DGCR8: variants seen among roughly 807,000 people sequenced by gnomAD.
DGCR8 encodes the protein microprocessor complex subunit DGCR8.
In DGCR8, 14 loss-of-function variants were observed where a neutral mutation model predicts 78.5. The observed-to-expected ratio is 0.18, with a 90% CI of 0.12 to 0.28. DGCR8 has a LOEUF of 0.28. Among genes scored for constraint, DGCR8 ranks in the 10% least tolerant of loss-of-function variants. The pLI is 1.00. For missense variants in DGCR8, 702 were observed against 1,022.5 expected, an observed-to-expected ratio of 0.69 and a Z score of 4.28; for synonymous variants, 399 against 402.4, an observed-to-expected ratio of 0.99 and a Z score of 0.10.
At chr22:20,101,560 G>A (rs112297714) in intron 9 of DGCR8, 222,795 of 980,934 alleles carry the variant, frequency 0.23, 26,580 homozygotes, top group South Asian at 0.29. Context: ...CCTGGGCGAC[G>A]GAGCGAGAAT....
Position 20,111,152 on chromosome 22 carries a change from T to G in DGCR8, c.*1044T>G, listed in dbSNP as rs953449390. On this transcript the variant is annotated 3_prime_UTR_variant, in exon 14 of 14. Coordinates refer to ENST00000351989, the MANE Select transcript of DGCR8 (RefSeq NM_022720.7). Reference sequence around the variant, plus strand: ...GGCAGCTGCCTGGTGCCCAGCTTGCTTCTCGACTGGTGGCCCCTATGGGTG... The same window carrying G: ...GGCAGCTGCCTGGTGCCCAGCTTGCGTCTCGACTGGTGGCCCCTATGGGTG... 5 of 398,692 alleles carry G rather than the reference T, an allele frequency of 1.3e-5. No individual in the cohort carries two copies. Among genetic ancestry groups the G allele is most frequent in the Non-Finnish European group, 2.2e-5 (5 of 226,092 alleles). The allele number at this position is 398,692 out of a possible 1,614,324, so 24.7% of individuals were successfully genotyped here. A position where few individuals can be genotyped will look rare whatever the true frequency, so the allele number is the denominator to read the frequency against.
chr22:20,099,348 C>T (rs1211720066), intron 9 of DGCR8, among the ~76,000 whole-genome samples: 1 of 152,218 alleles, frequency 6.6e-6, no homozygotes, highest in Non-Finnish European at 1.5e-5. Flanking sequence ...GAAACAGTTG[C>T]CACTGGTTCC....
chr22:20,091,607 A>G lies in DGCR8; in HGVS notation c.1479A>G (p.Ser493=), dbSNP rs775616320. ...LPANQKLITL[S]VQDAPTKKEF... is the part of the protein sequence containing the mutation. ...CCAATCAGAAGCTCATTACTTTATC[A>G]GTGCAAGATGCACCCACAAAGAAAG... Residue 493 remains serine, a synonymous_variant, in exon 6 of 14, where the codon TCA becomes TCG. Transcript: ENST00000351989. The G allele has an allele frequency of 1.9e-6, 3 of 1,614,222 alleles. No homozygotes were observed. In the South Asian group the frequency reaches 3.3e-5, roughly 18 times the overall value.
intron 9 of DGCR8, chr22:20,102,076 TTTTC>T (rs1568959881): frequency 2.0e-6 from 2 of 979,998 alleles, no homozygotes; most frequent in Non-Finnish European, 2.4e-6. Flanking sequence ...TGACCAAGTG[TTTTC>T]TTTTTTTTTT....
chr22:20,082,208 C>G (rs1414770776), intron 1 of DGCR8, among the ~76,000 whole-genome samples: 1 of 151,964 alleles, frequency 6.6e-6, no homozygotes, highest in African/African-American at 2.4e-5. Context: ...AGGCGTCCAC[C>G]ACCACCACGC....
At chr22:20,102,823 A>C (rs530644736) in intron 9 of DGCR8, among the ~76,000 whole-genome samples, 1 of 152,304 alleles carries the variant, frequency 6.6e-6, no homozygotes, top group East Asian at 1.9e-4. Flanking sequence ...CTTTAGAAAC[A>C]ATATGTCAGT....
intron 8 of DGCR8, 114 bp downstream of exon 8, chr22:20,093,021 T>G (rs2049584669): frequency 1.5e-6 from 1 of 670,668 alleles, no homozygotes. Context: ...GTGGGGCATG[T>G]TTATTTTATT....
At position 20,086,506 on chromosome 22, in the gene DGCR8, G is replaced by A. The variant is rs1232992115; in HGVS notation, c.543G>A (p.Lys181=). Residue 181 remains lysine, a synonymous_variant, in exon 2 of 14, where the codon AAG becomes AAA. Transcript: ENST00000351989. The surrounding 1 kb of genome is among the most constrained non-coding windows in gnomAD (Gnocchi z 6.4). ...GCATAGGGGGTGAGAGTGCTGATAA[G>A]AAGGATGAGGAGAATGAGCTGGATC... ...GVGIGGESAD[K]KDEENELDQE... 6.2e-7 allele frequency: 1 copy of A among 1,613,940 alleles called. No homozygotes were observed. The highest frequency in any genetic ancestry group is 8.5e-7 in the Non-Finnish European group (1 of 1,180,030).
chr22:20,085,660 T>A lies in DGCR8; in HGVS notation c.-277-27T>A. 8 of 1,287,326 alleles carry A rather than the reference T, an allele frequency of 6.2e-6. No homozygotes were observed. The highest frequency in any genetic ancestry group is 7.8e-6 in the Non-Finnish European group (8 of 1,021,492). 79.7% of individuals were successfully genotyped at this position (1,287,326 alleles called of 1,614,324 possible). ...GAATTGGAAGGTTTCTGTCATTTTG[T>A]GACGATATTTTTAAATTTCTTTGCA... is the stretch of plus-strand genomic sequence containing the variant. On this transcript the variant is annotated intron_variant, in intron 1 of 13. Transcript: ENST00000351989. This position sits in a 1 kb window ranked among gnomAD's most constrained non-coding sequence, Gnocchi z 6.2.
At position 20,086,985 on chromosome 22, in the gene DGCR8, G is replaced by A. The variant is rs1023414149; in HGVS notation, c.721-177G>A. 2.4e-6 allele frequency: 2 copies of A among 846,748 alleles called. No homozygotes were observed. Among genetic ancestry groups the A allele is most frequent in the African/African-American group, 1.7e-5 (1 of 58,808 alleles). 52.5% of individuals were successfully genotyped at this position (846,748 alleles called of 1,614,324 possible). On this transcript the variant is annotated intron_variant, in intron 2 of 13. Transcript: ENST00000351989. This position sits in a 1 kb window ranked among gnomAD's most constrained non-coding sequence, Gnocchi z 6.4. The stretch of plus-strand genomic sequence containing the variant: ...GTGTGCCCCTGGACCAGGTGTGTTG[G>A]TGTCAGCTGGTAGCTTCATCCTGTT...
chr22:20,100,778 T>C (rs2049689165), intron 9 of DGCR8: 2 of 985,238 alleles, frequency 2.0e-6, no homozygotes, highest in South Asian at 9.4e-5. Context: ...CGCTGTAGAC[T>C]CCCCTGCCTG....
chr22:20,107,193 G>A, intron 11 of DGCR8, 78 bp from the exon 12 acceptor site: 1 of 1,574,182 alleles, frequency 6.4e-7, no homozygotes. Flanking sequence ...TGGGTCAGGA[G>A]GGCTGGGAGC....
rs548151591 is a variant in DGCR8, at chr22:20,080,896, C to T, written c.-278+513C>T. 2.0e-5 allele frequency among the ~76,000 whole-genome samples: 3 copies of T among 152,368 alleles called. No homozygotes were observed. The South Asian group carries it at 6.2e-4, about 32-fold the overall frequency. On this transcript the variant is annotated intron_variant, in intron 1 of 13. Coordinates refer to ENST00000351989, the MANE Select transcript of DGCR8 (RefSeq NM_022720.7). ...GACAGTGATGCCTGTCTGGTGTCAA[C>T]CGATGGACTTGGGTTTCTTGTGGCA...
chr22:20,094,702 T>C lies in DGCR8; in HGVS notation c.1706-11T>C, dbSNP rs1356248894. ...GCCCAAGCCTCACCCTCGGGCTCTT[T>C]TTTTTCATAGCCCGAGCTACACTGG... On this transcript the variant is annotated splice_polypyrimidine_tract_variant and intron_variant, in intron 8 of 13. Transcript: ENST00000351989. 5 of 1,613,538 alleles carry C rather than the reference T, an allele frequency of 3.1e-6. No individual in the cohort carries two copies. Among genetic ancestry groups the C allele is most frequent in the South Asian group, 1.1e-5 (1 of 91,056 alleles).
chr22:20,101,372 C>T (rs1365770650), intron 9 of DGCR8: 2 of 809,008 alleles, frequency 2.5e-6, no homozygotes, highest in Non-Finnish European at 3.0e-6. Flanking sequence ...GTAAGGACAT[C>T]GAGACCATCC....
chr22:20,104,566 G>T (rs1213876088), intron 9 of DGCR8, among the ~76,000 whole-genome samples: 1 of 152,202 alleles, frequency 6.6e-6, no homozygotes, highest in African/African-American at 2.4e-5. Context: ...AAGCCGTGGG[G>T]TATGTGGGTT....
At chr22:20,081,802 A>G (rs987857158) in intron 1 of DGCR8, among the ~76,000 whole-genome samples, 2 of 152,188 alleles carry the variant, frequency 1.3e-5, no homozygotes, top group Admixed American at 6.5e-5. Flanking sequence ...ATCTTCACCC[A>G]TGCCAAAACA....
At chr22:20,102,646 G>A (rs563536633) in intron 9 of DGCR8, among the ~76,000 whole-genome samples, 1 of 152,320 alleles carries the variant, frequency 6.6e-6, no homozygotes, top group South Asian at 2.1e-4. Context: ...GACCGTGGAA[G>A]TGTGTCTGTT....
At chr22:20,101,602 C>T (rs2049703035) in intron 9 of DGCR8, 1 of 984,876 alleles carries the variant, frequency 1.0e-6, no homozygotes, top group South Asian at 4.7e-5. Context: ...GTATATATGT[C>T]ATCTGTGATG....
Sources: allele counts gnomAD v4.1 joint callset (sites outside exome capture counted in the v4.1 genomes callset), GRCh38; gene constraint gnomAD v4.1.1; non-coding constraint Gnocchi (gnomAD v3.1); transcripts MANE v1.5; gene names NCBI Gene and HGNC (gene_info 2026-07-23, HGNC 2026-07-21).